Variants in SHCBP1L observed in about 807,000 individuals in gnomAD.
The protein encoded by SHCBP1L is testicular spindle-associated protein SHCBP1L.
In SHCBP1L, 67 loss-of-function variants were observed where a neutral mutation model predicts 62.5. The ratio of observed to expected loss-of-function variants is 1.07; its 90% CI spans 0.88 to 1.31. The LOEUF (loss-of-function observed/expected upper bound fraction) is 1.31. Among genes scored for constraint, SHCBP1L ranks in the 40% most tolerant of loss-of-function variants. The probability of loss-of-function intolerance (pLI) is 0.00; values close to 1 mark genes in which losing one functional copy is unlikely to be tolerated. For synonymous variants in SHCBP1L, 284 were observed against 289.4 expected (o/e 0.98, Z 0.19); for missense variants, 823 against 809.8 (o/e 1.02, Z -0.20).
chr1:182,940,244 C>A (rs1417431187), intron 3 of SHCBP1L, 85 bp downstream of exon 3: 1 of 1,125,168 alleles, frequency 8.9e-7, no homozygotes, highest in Admixed American at 2.2e-5. Context: ...TCAGTAAGTG[C>A]TTGTAAAGCG....
At chr1:182,937,203 G>T (rs1651208560) in intron 5 of SHCBP1L, among the ~76,000 whole-genome samples, 1 of 151,130 alleles carries the variant, frequency 6.6e-6, no homozygotes, top group South Asian at 2.1e-4. Context: ...AACCTTTCTT[G>T]CAGAACAGGC....
At chr1:182,947,245 A>G (rs1651595743) in intron 2 of SHCBP1L, among the ~76,000 whole-genome samples, 1 of 151,786 alleles carries the variant, frequency 6.6e-6, no homozygotes, top group South Asian at 2.1e-4. Context: ...TCAAAAAAAA[A>G]AAAAAAAAAA....
chr1:182,904,766 C>CT (rs56874077), intron 7 of SHCBP1L, among the ~76,000 whole-genome samples: 91,568 of 150,556 alleles, frequency 0.61, 29,828 homozygotes, highest in African/African-American at 0.86. Context: ...TAATCTTTTT[C>CT]TTTTTTTTTG....
In SHCBP1L at chr1:182,952,717, G is replaced by A. The variant is rs754413481; in HGVS notation, c.405+12C>T. ...CTTCCGACCGTAGTCTTCCTGTCCCGGATCCGCTCACCTTACAGTCCTGCA... is the reference window on the plus strand; with the variant it reads ...CTTCCGACCGTAGTCTTCCTGTCCCAGATCCGCTCACCTTACAGTCCTGCA... On this transcript the variant is annotated intron_variant, in intron 1 of 9. Coordinates refer to ENST00000367547, the MANE Select transcript of SHCBP1L (RefSeq NM_030933.4). 3 of 1,592,072 alleles carry A rather than the reference G, an allele frequency of 1.9e-6. No homozygotes were observed. Among genetic ancestry groups the A allele is most frequent in the Non-Finnish European group, 2.6e-6 (3 of 1,168,760 alleles).
intron 6 of SHCBP1L, among the ~76,000 whole-genome samples, chr1:182,924,974 G>GAAAGAAAAA (rs1344712194): frequency 9.1e-6 from 1 of 109,512 alleles, no homozygotes; most frequent in Non-Finnish European, 1.8e-5. Flanking sequence ...AAGAAAGAAA[G>GAAAGAAAAA]AAAAAAAAAG....
chr1:182,914,773 C>T (rs1338453812), intron 6 of SHCBP1L, among the ~76,000 whole-genome samples: 2 of 152,042 alleles, frequency 1.3e-5, no homozygotes, highest in Non-Finnish European at 2.9e-5. Flanking sequence ...GTAAGTCCTT[C>T]CTTATCAGTA....
chr1:182,939,518 T>G lies in SHCBP1L; in HGVS notation c.806A>C (p.Asp269Ala), dbSNP rs772070546. The change falls in exon 4 of 10, where the codon GAT becomes GCT. Residue 269 changes from aspartate to alanine, a missense_variant. By Grantham distance (126) the Asp-to-Ala change is moderately radical. Coordinates refer to ENST00000367547, the MANE Select transcript of SHCBP1L (RefSeq NM_030933.4). ...FYDFLWRDWD[D>A]EESCENYTAL... ...AGTATAATTCTCACAACTTTCTTCA[T>G]CATCCCAGTCTCTCCAAAGAAAGTC... 2 of 1,608,064 alleles carry G rather than the reference T, an allele frequency of 1.2e-6. No individual in the cohort carries two copies. The highest frequency in any genetic ancestry group is 2.2e-5 in the South Asian group (2 of 89,636).
At chr1:182,952,634 T>C in intron 1 of SHCBP1L, 95 bp downstream of exon 1, 1 of 1,409,708 alleles carries the variant, frequency 7.1e-7, no homozygotes, top group Non-Finnish European at 9.5e-7. Flanking sequence ...TTGTGCCCTG[T>C]GGATCCCCAT....
chr1:182,915,602 T>C (rs1385566348), intron 6 of SHCBP1L, among the ~76,000 whole-genome samples: 1 of 152,122 alleles, frequency 6.6e-6, no homozygotes, highest in East Asian at 1.9e-4. Context: ...CATACATATA[T>C]ACACTGCCCC....
intron 8 of SHCBP1L, 62 bp from the exon 9 acceptor site, chr1:182,903,223 C>A: frequency 7.3e-7 from 1 of 1,373,518 alleles, no homozygotes; most frequent in South Asian, 2.1e-5. Flanking sequence ...TCTCCAAAAT[C>A]TTTAGACTTG....
intron 6 of SHCBP1L, among the ~76,000 whole-genome samples, chr1:182,925,862 A>T (rs1650729439): frequency 6.6e-6 from 1 of 152,226 alleles, no homozygotes; most frequent in South Asian, 2.1e-4. Context: ...ATACAAAAGG[A>T]TATTATTCAG....
chr1:182,920,112 C>A (rs1650484245), intron 6 of SHCBP1L, among the ~76,000 whole-genome samples: 1 of 152,216 alleles, frequency 6.6e-6, no homozygotes. Context: ...GGCACATATG[C>A]AGGAGCACAG....
At chr1:182,938,417 T>C (rs1651249033) in intron 5 of SHCBP1L, among the ~76,000 whole-genome samples, 1 of 152,078 alleles carries the variant, frequency 6.6e-6, no homozygotes, top group East Asian at 1.9e-4. Context: ...GCTTCTTCTT[T>C]TATTTTTTTC....
chr1:182,914,284 C>A lies in SHCBP1L; in HGVS notation c.1183-8635G>T, dbSNP rs551364118. Among the ~76,000 whole-genome samples, 5 of 152,032 alleles carry A rather than the reference C, an allele frequency of 3.3e-5. No individual in the cohort carries two copies. In the East Asian group the frequency reaches 7.7e-4, roughly 24 times the overall value. On this transcript the variant is annotated intron_variant, in intron 6 of 9. Transcript: ENST00000367547. ...GTCCTTCAGACTGAAATGAAATAGA[C>A]AACAGAAGTAACTCAAAGCCATATA...
At chr1:182,943,514 T>G (rs1197951167) in intron 2 of SHCBP1L, among the ~76,000 whole-genome samples, 4 of 150,998 alleles carry the variant, frequency 2.6e-5, no homozygotes, top group Non-Finnish European at 5.9e-5. Context: ...CGGTGCAATC[T>G]CAGCTCACTG....
chr1:182,903,100 T>C lies in SHCBP1L; in HGVS notation c.1649A>G (p.His550Arg), dbSNP rs1256493275. ...GTTACTGGTTCTGAGGTTATTACAG[T>C]GATGAATTTCATTTCTTTCCAAAAT... The part of the protein sequence containing the change: ...IAILERNEIH[H>R]CNNLRTSNSS... Residue 550 changes from histidine to arginine, a missense_variant, in exon 9 of 10, where the codon CAC (histidine) becomes CGC (arginine). By Grantham distance (29) the His-to-Arg change is conservative. Coordinates refer to ENST00000367547, the MANE Select transcript of SHCBP1L (RefSeq NM_030933.4). The C allele has an allele frequency of 6.2e-7, 1 of 1,601,530 alleles. No homozygotes were observed. The highest frequency in any genetic ancestry group is 1.7e-5 in the Admixed American group (1 of 58,556).
chr1:182,940,202 A>G (rs1651310917), intron 3 of SHCBP1L, 127 bp downstream of exon 3: 4 of 668,556 alleles, frequency 6.0e-6, no homozygotes, highest in Non-Finnish European at 7.1e-6. Flanking sequence ...AAATGGACAA[A>G]TTTAATCCAG....
intron 6 of SHCBP1L, among the ~76,000 whole-genome samples, chr1:182,924,316 T>G (rs1650607565): frequency 6.9e-6 from 1 of 144,338 alleles, no homozygotes; most frequent in Non-Finnish European, 1.5e-5. Flanking sequence ...TTTTTTTTTT[T>G]GAGACGGAGT....
intron 9 of SHCBP1L, among the ~76,000 whole-genome samples, chr1:182,901,059 T>C (rs1649818406): frequency 6.6e-6 from 1 of 152,168 alleles, no homozygotes; most frequent in Non-Finnish European, 1.5e-5. Context: ...TAAGGTAATG[T>C]GATAGCATGA....
Sources: allele counts gnomAD v4.1 joint callset (sites outside exome capture counted in the v4.1 genomes callset), GRCh38; gene constraint gnomAD v4.1.1; transcripts MANE v1.5; gene names NCBI Gene and HGNC (gene_info 2026-07-23, HGNC 2026-07-21).